LEKR1: variants seen among roughly 807,000 people sequenced by gnomAD.
The protein encoded by LEKR1 is protein LEKR1.
Under a neutral mutation model 72.4 loss-of-function variants are expected in LEKR1, and 59 were observed. The observed-to-expected ratio is 0.82, with a 90% CI of 0.66 to 1.01. The LOEUF is 1.01. Ranked by LOEUF, LEKR1 falls within the 50% of genes least tolerant of loss-of-function variation. The pLI is 0.00. For missense variants in LEKR1, 728 were observed against 759.2 expected (o/e 0.96, Z 0.48); for synonymous variants, 257 against 263.2 (o/e 0.98, Z 0.23).
At chr3:156,891,180 T>G (rs2108557385) in intron 3 of LEKR1, among the ~76,000 whole-genome samples, 1 of 152,226 alleles carries the variant, frequency 6.6e-6, no homozygotes, top group South Asian at 2.1e-4. Flanking sequence ...CTGCCATGCT[T>G]CTTTTTAACA....
intron 6 of LEKR1, among the ~76,000 whole-genome samples, chr3:156,945,530 C>T (rs143891713): frequency 2.0e-3 from 298 of 151,878 alleles, no homozygotes; most frequent in Non-Finnish European, 3.5e-3. Context: ...TTGCCTAGTC[C>T]AATGTCCTGG....
rs1043918108 is a variant in LEKR1 at position 157,029,264 on chromosome 3, G to A, written c.1668+862G>A. ...AAGTTTACATAATCATTGTAATTAT[G>A]TAATTATGAAGTGAACCTATTACAA... On this transcript the variant is annotated intron_variant, in intron 12 of 12. Coordinates refer to ENST00000356539, the MANE Select transcript of LEKR1 (RefSeq NM_001004316.3). Among the ~76,000 whole-genome samples, 11 of 152,118 alleles carry A rather than the reference G, an allele frequency of 7.2e-5. No homozygotes were observed. In the East Asian group the frequency reaches 2.1e-3, roughly 30 times the overall value.
intron 3 of LEKR1, among the ~76,000 whole-genome samples, chr3:156,865,592 C>T (rs1189464131): frequency 2.1e-5 from 1 of 47,828 alleles, no homozygotes; most frequent in Non-Finnish European, 3.9e-5. Context: ...ACAGTCATCC[C>T]TCTATCATCT....
chr3:156,972,865 T>A (rs1729360176), intron 6 of LEKR1, among the ~76,000 whole-genome samples: 2 of 151,394 alleles, frequency 1.3e-5, no homozygotes, highest in East Asian at 2.0e-4. Flanking sequence ...AAAGATTAAT[T>A]TTTCATTCAC....
intron 2 of LEKR1, among the ~76,000 whole-genome samples, chr3:156,844,912 T>TTG (rs1486996603): frequency 7.0e-6 from 1 of 143,128 alleles, no homozygotes; most frequent in Non-Finnish European, 1.5e-5. Context: ...ACAGGTTTTT[T>TTG]TTTTTTTTTT....
At chr3:156,998,322 A>G (rs1731741705) in intron 9 of LEKR1, among the ~76,000 whole-genome samples, 1 of 152,180 alleles carries the variant, frequency 6.6e-6, no homozygotes, top group African/African-American at 2.4e-5. Flanking sequence ...AAATGTACAA[A>G]TATATTTTAT....
intron 3 of LEKR1, among the ~76,000 whole-genome samples, chr3:156,907,060 A>C (rs967972648): frequency 6.6e-6 from 1 of 152,098 alleles, no homozygotes; most frequent in African/African-American, 2.4e-5. Context: ...TTTTACAGAC[A>C]TGTAATGAGA....
chr3:157,028,668 C>A (rs796293907), intron 12 of LEKR1, among the ~76,000 whole-genome samples: 3 of 152,128 alleles, frequency 2.0e-5, no homozygotes, highest in Non-Finnish European at 4.4e-5. Context: ...TTCTTTCTTG[C>A]AAATAACTAT....
intron 12 of LEKR1, among the ~76,000 whole-genome samples, chr3:157,043,375 T>TC (rs750317744): frequency 4.0e-5 from 6 of 151,750 alleles, no homozygotes; most frequent in Non-Finnish European, 8.8e-5. Flanking sequence ...GATTGGGTCT[T>TC]CCCCCCACTT....
chr3:156,953,775 A>G (rs1727381792), intron 6 of LEKR1, among the ~76,000 whole-genome samples: 1 of 151,766 alleles, frequency 6.6e-6, no homozygotes. Flanking sequence ...TCATTGATGG[A>G]CATTTAGGTT....
At chr3:156,932,005 G>A (rs1285210209) in intron 5 of LEKR1, among the ~76,000 whole-genome samples, 2 of 152,118 alleles carry the variant, frequency 1.3e-5, no homozygotes, top group African/African-American at 4.8e-5. Context: ...AGAAATATAT[G>A]CAAATGTTGA....
intron 9 of LEKR1, among the ~76,000 whole-genome samples, chr3:156,997,276 C>A (rs1731655724): frequency 6.6e-6 from 1 of 152,118 alleles, no homozygotes. Context: ...ACTTGACTTT[C>A]CTCTTTCCAC....
intron 3 of LEKR1, among the ~76,000 whole-genome samples, chr3:156,907,471 A>G (rs1722637589): frequency 6.6e-6 from 1 of 151,992 alleles, no homozygotes; most frequent in South Asian, 2.1e-4. Context: ...TGTTCCTCTA[A>G]TACTGACCAT....
rs988635513 is a variant in LEKR1, at chr3:156,942,330, G to A, written c.560-199G>A. ...ACTGTTAAAAGATTTCATGCATCAT[G>A]TAGCAATAAAACTTTTTTTATCGTT... On this transcript the variant is annotated intron_variant, in intron 5 of 12. Transcript: ENST00000356539. Among the ~76,000 whole-genome samples, 3 of 151,994 alleles carry A rather than the reference G, an allele frequency of 2.0e-5. No individual in the cohort carries two copies. The East Asian group carries it at 5.8e-4, about 29-fold the overall frequency.
intron 6 of LEKR1, among the ~76,000 whole-genome samples, chr3:156,949,938 A>C (rs1727002625): frequency 6.6e-6 from 1 of 151,232 alleles, no homozygotes; most frequent in African/African-American, 2.4e-5. Context: ...GCTCTTTCTA[A>C]AACATTGTAT....
chr3:156,881,579 G>A (rs1719348817), intron 3 of LEKR1, among the ~76,000 whole-genome samples: 1 of 151,040 alleles, frequency 6.6e-6, no homozygotes, highest in East Asian at 1.9e-4. Context: ...TACTGCCCAA[G>A]GTAATTTACA....
chr3:156,934,852 T>C lies in LEKR1; in HGVS notation c.559+7248T>C, dbSNP rs1186826571. 2.6e-5 allele frequency among the ~76,000 whole-genome samples: 4 copies of C among 152,262 alleles called. No homozygotes were observed. In the East Asian group the frequency reaches 7.7e-4, roughly 29 times the overall value. Reference sequence around the variant, plus strand: ...ACACTTAAAATATATCATGAAAATATAGTCATGCCAATTAACTATGTTGAC... The same window carrying C: ...ACACTTAAAATATATCATGAAAATACAGTCATGCCAATTAACTATGTTGAC... On this transcript the variant is annotated intron_variant, in intron 5 of 12. Coordinates refer to ENST00000356539, the MANE Select transcript of LEKR1 (RefSeq NM_001004316.3).
At chr3:156,949,744 A>T (rs775413571) in intron 6 of LEKR1, among the ~76,000 whole-genome samples, 1 of 151,338 alleles carries the variant, frequency 6.6e-6, no homozygotes, top group Non-Finnish European at 1.5e-5. Context: ...GTAAGACTTG[A>T]TCACATACTC....
chr3:157,045,709 A>G lies in LEKR1; in HGVS notation c.2038A>G (p.Arg680Gly). Residue 680 changes from arginine (R) to glycine (G), a missense_variant, in exon 13 of 13, where the codon AGA becomes GGA. Coordinates refer to ENST00000356539, the MANE Select transcript of LEKR1 (RefSeq NM_001004316.3). ...ATCTTCAGCAAATGAGACTAGACAG[A>G]GACTGGCTGCCATTCTTAGGAGAAG... ...GASSANETRQRLAAILRRRRS... is the reference protein window; with the variant it reads ...GASSANETRQGLAAILRRRRS... The G allele has an allele frequency of 6.2e-7, 1 of 1,612,450 alleles. No individual in the cohort carries two copies. The highest frequency in any genetic ancestry group is 8.5e-7 in the Non-Finnish European group (1 of 1,179,986).
Sources: allele counts gnomAD v4.1 joint callset (sites outside exome capture counted in the v4.1 genomes callset), GRCh38; gene constraint gnomAD v4.1.1; transcripts MANE v1.5; gene names NCBI Gene and HGNC (gene_info 2026-07-23, HGNC 2026-07-21).